NOL10: variants seen among roughly 807,000 people sequenced by gnomAD.
NOL10 encodes the protein H_NH0074G24.1.
A neutral mutation model predicts 103.5 loss-of-function variants in NOL10; 58 were observed. The observed-to-expected ratio is 0.56, with a 90% CI of 0.45 to 0.70. The LOEUF is 0.70. Ranked by LOEUF, NOL10 falls within the 30% of genes least tolerant of loss-of-function variation. The pLI is 0.00. For missense variants in NOL10, 763 were observed against 807.3 expected (o/e 0.95, Z 0.67); for synonymous variants, 287 against 282.5 (o/e 1.02, Z -0.16).
At chr2:10,676,459 G>T (rs1337878158) in intron 3 of NOL10, among the ~76,000 whole-genome samples, 3 of 152,130 alleles carry the variant, frequency 2.0e-5, no homozygotes, top group Non-Finnish European at 4.4e-5. Flanking sequence ...CCACACAAGG[G>T]AATATTACAT....
intron 14 of NOL10, among the ~76,000 whole-genome samples, chr2:10,605,743 A>G (rs1184737368): frequency 6.6e-6 from 1 of 152,168 alleles, no homozygotes. Flanking sequence ...TATTATGAAA[A>G]TTACGTTGGA....
rs573749627 is a variant in NOL10 at position 10,656,248 on chromosome 2, T to C, written c.906+1494A>G. Among the ~76,000 whole-genome samples, 174 of 152,294 alleles carry C rather than the reference T, an allele frequency of 1.1e-3. 2 individuals carry two copies. The highest frequency in any genetic ancestry group is 4.1e-3 in the African/African-American group (172 of 41,564). ...TTGTTTTAACATCAATTAGTTTGAA[T>C]TGCCAGAAAAAGAGCAGAGAAAGTT... is the stretch of plus-strand genomic sequence containing the variant. On this transcript the variant is annotated intron_variant, in intron 11 of 20. Coordinates refer to ENST00000381685, the MANE Select transcript of NOL10 (RefSeq NM_024894.4).
rs1245231564 is a variant in NOL10 at position 10,677,837 on chromosome 2, A to ATT, written c.212-1968_212-1967dup. On this transcript the variant is annotated intron_variant, in intron 3 of 20. Coordinates refer to ENST00000381685, the MANE Select transcript of NOL10 (RefSeq NM_024894.4). ...TGTCGTATGGCAATAATTTTAATAC[A>ATT]TTTGTGTGTGTGTGTGTGTGTGTGT... is the stretch of plus-strand genomic sequence containing the variant. Among the ~76,000 whole-genome samples the ATT allele has an allele frequency of 4.2e-5, 5 of 119,472 alleles. No individual in the cohort carries two copies. The South Asian group carries it at 9.9e-4, about 24-fold the overall frequency. 78.4% of individuals were successfully genotyped at this position (119,472 alleles called of 152,430 possible).
At chr2:10,638,330 G>GTA (rs1558311284) in intron 13 of NOL10, among the ~76,000 whole-genome samples, 1,305 of 92,770 alleles carry the variant, frequency 0.014, 12 homozygotes, top group African/African-American at 0.038. Context: ...GACGTGACGT[G>GTA]ACGTAACGTA....
At chr2:10,617,814 A>G (rs1275337258) in intron 13 of NOL10, among the ~76,000 whole-genome samples, 1 of 152,222 alleles carries the variant, frequency 6.6e-6, no homozygotes, top group Non-Finnish European at 1.5e-5. Flanking sequence ...ACATGGTACA[A>G]CATGGACGGG....
At position 10,668,699 on chromosome 2, in the gene NOL10, TA is replaced by T; in HGVS notation, c.488del (p.Leu163Ter). On this transcript the variant is annotated frameshift_variant, in exon 7 of 21. Transcript: ENST00000381685. LOFTEE classifies it high-confidence loss of function. ...GASSEVYRLNLEQGRYLNPLQ... is the reference protein window; with the variant it reads ...GASSEVYRLNXEQGRYLNPLQ... ...GAGGATTCAGGTATCGTCCTTGTTCTAAGTTTAACCTATAAACTTCAGAACT... is the reference window on the plus strand; with the variant it reads ...GAGGATTCAGGTATCGTCCTTGTTCTAGTTTAACCTATAAACTTCAGAACT... The T allele has an allele frequency of 6.5e-7, 1 of 1,543,448 alleles. No individual in the cohort carries two copies. Among genetic ancestry groups the T allele is most frequent in the Non-Finnish European group, 8.8e-7 (1 of 1,134,212 alleles).
intron 20 of NOL10, among the ~76,000 whole-genome samples, chr2:10,572,806 C>T (rs879286921): frequency 1.1e-4 from 16 of 152,180 alleles, no homozygotes; most frequent in Non-Finnish European, 2.1e-4. Flanking sequence ...ACGATGCACA[C>T]GTTCACAGCT....
At chr2:10,622,192 G>C in intron 13 of NOL10, 1 of 471,092 alleles carries the variant, frequency 2.1e-6, no homozygotes, top group Non-Finnish European at 4.4e-6. Context: ...AGGAAACTAT[G>C]TAAATAAAGT....
At chr2:10,600,054 A>G (rs1283821227) in intron 17 of NOL10, among the ~76,000 whole-genome samples, 1 of 152,122 alleles carries the variant, frequency 6.6e-6, no homozygotes, top group East Asian at 1.9e-4. Flanking sequence ...CTGGCCCAAA[A>G]CTACAAGGTC....
intron 13 of NOL10, among the ~76,000 whole-genome samples, chr2:10,610,472 AAAAC>A (rs1298659415): frequency 6.6e-6 from 1 of 152,238 alleles, no homozygotes; most frequent in African/African-American, 2.4e-5. Flanking sequence ...ATTTCCATCA[AAAAC>A]AAAATTAAAT....
chr2:10,622,488 C>CAAAAA (rs77285222), intron 13 of NOL10, among the ~76,000 whole-genome samples: 2,308 of 124,794 alleles, frequency 0.018, 40 homozygotes, highest in Non-Finnish European at 0.027. Flanking sequence ...GAGCGTTTTT[C>CAAAAA]AAAAAAAAAG....
rs920876211 is a variant in NOL10, at chr2:10,675,851, G to A, written c.232C>T (p.Arg78Ter). The A allele has an allele frequency of 6.3e-7, 1 of 1,574,958 alleles. No individual in the cohort carries two copies. Among genetic ancestry groups the A allele is most frequent in the Non-Finnish European group, 8.7e-7 (1 of 1,155,864 alleles). Residue 78 changes from arginine to a stop codon, truncating the protein, a stop_gained, in exon 4 of 21, where the codon CGA becomes TGA. Coordinates refer to ENST00000381685, the MANE Select transcript of NOL10 (RefSeq NM_024894.4). LOFTEE classifies it high-confidence loss of function. ...LATGTYKPRV[R>*]CYDTYQLSLK... ...GATAATTGATAGGTGTCATAACATC[G>A]AACCCGAGGTTTATATGTTCCTACA...
chr2:10,684,456 C>T (rs1335745013), intron 2 of NOL10, 111 bp downstream of exon 2: 5 of 846,166 alleles, frequency 5.9e-6, no homozygotes, highest in East Asian at 5.5e-5. Flanking sequence ...TCATTTTCCA[C>T]TACATGTTAC....
chr2:10,576,332 T>C (rs530884202), intron 20 of NOL10, among the ~76,000 whole-genome samples: 9 of 152,248 alleles, frequency 5.9e-5, no homozygotes, highest in African/African-American at 1.7e-4. Flanking sequence ...AAAAGTTAAA[T>C]AGCTACACTA....
chr2:10,661,622 C>T (rs963983718), intron 9 of NOL10, among the ~76,000 whole-genome samples: 4 of 152,124 alleles, frequency 2.6e-5, no homozygotes, highest in African/African-American at 4.8e-5. Context: ...CCTCCAGCTT[C>T]GGCCTTTCAA....
chr2:10,674,471 T>A (rs1022665463), intron 4 of NOL10, among the ~76,000 whole-genome samples: 2 of 152,172 alleles, frequency 1.3e-5, no homozygotes, highest in Non-Finnish European at 2.9e-5. Context: ...AACTGTGAAT[T>A]GATAAGACAT....
At chr2:10,577,920 T>C (rs1558264149) in intron 19 of NOL10, among the ~76,000 whole-genome samples, 182 bp from the exon 20 acceptor site, 1 of 152,180 alleles carries the variant, frequency 6.6e-6, no homozygotes, top group Non-Finnish European at 1.5e-5. Flanking sequence ...TTATTCATAT[T>C]CCAGAGATAG....
At position 10,659,181 on chromosome 2, in the gene NOL10, G is replaced by T; in HGVS notation, c.747C>A (p.Thr249=). Residue 249 remains threonine (T), a synonymous_variant, in exon 10 of 21, where the codon ACC becomes ACA. Coordinates refer to ENST00000381685, the MANE Select transcript of NOL10 (RefSeq NM_024894.4). ...AATTAAACATATTTACCTGCCCTGT[G>T]GTTGTTCCAACTGCCATGGTCAAGG... ...NGALTMAVGT[T]TGQVLLYDLR... The T allele has an allele frequency of 6.2e-7, 1 of 1,600,250 alleles. No individual in the cohort carries two copies.
At chr2:10,579,046 G>A (rs1247224004) in intron 19 of NOL10, among the ~76,000 whole-genome samples, 1 of 152,128 alleles carries the variant, frequency 6.6e-6, no homozygotes, top group African/African-American at 2.4e-5. Context: ...TAATTACTGA[G>A]AGCACAGCTC....
Sources: allele counts gnomAD v4.1 joint callset (sites outside exome capture counted in the v4.1 genomes callset), GRCh38; gene constraint gnomAD v4.1.1; transcripts MANE v1.5; gene names NCBI Gene and HGNC (gene_info 2026-07-23, HGNC 2026-07-21).